FN1: variants seen among roughly 807,000 people sequenced by gnomAD.
FN1 encodes the protein fibronectin 1, also known as fibronectin.
A neutral mutation model predicts 297.3 loss-of-function variants in FN1; 106 were observed. That is an observed-to-expected ratio of 0.36 (90% CI 0.30 to 0.42). The LOEUF (loss-of-function observed/expected upper bound fraction) is 0.42. Among genes scored for constraint, FN1 ranks in the 10% least tolerant of loss-of-function variants. FN1 has a pLI of 1.00. For missense variants in FN1, 2,690 were observed against 3,124.9 expected (o/e 0.86, Z 3.32); for synonymous variants, 1,149 against 1,152.6 (o/e 1.00, Z 0.06).
At chr2:215,419,433 T>A in intron 11 of FN1, 48 bp from the exon 12 acceptor site, 1 of 1,529,474 alleles carries the variant, frequency 6.5e-7, no homozygotes, top group Non-Finnish European at 9.1e-7. Flanking sequence ...GACTTATAAC[T>A]ACGAATTTAA....
chr2:215,379,491 G>A lies in FN1; in HGVS notation c.5435-174C>T, dbSNP rs2057896331. ...CAGTAAGGGATGCAAAATGAAGAAA[G>A]TGTTTGCTGAGAAATGTGTTTTATA... On this transcript the variant is annotated intron_variant, in intron 33 of 45. Coordinates refer to ENST00000354785, the MANE Select transcript of FN1 (RefSeq NM_212482.4). The A allele has an allele frequency of 4.9e-6, 3 of 613,376 alleles. No homozygotes were observed. The South Asian group carries it at 5.8e-5, about 12-fold the overall frequency. 38.0% of individuals were successfully genotyped at this position (613,376 alleles called of 1,614,324 possible).
At chr2:215,392,816 T>C (rs570509784) in intron 25 of FN1, 115 bp downstream of exon 25, 3 of 1,193,488 alleles carry the variant, frequency 2.5e-6, no homozygotes, top group East Asian at 2.3e-5. Flanking sequence ...CCACCCTATC[T>C]GAATCTTTGG....
At position 215,382,211 on chromosome 2, in the gene FN1, C is replaced by T; in HGVS notation, c.5164+1G>A. 6.2e-7 allele frequency: 1 copy of T among 1,602,780 alleles called. No homozygotes were observed. The highest frequency in any genetic ancestry group is 8.5e-7 in the Non-Finnish European group (1 of 1,169,604). On this transcript the variant is annotated splice_donor_variant, in intron 32 of 45. Transcript: ENST00000354785. LOFTEE classifies it high-confidence loss of function. ...ATGGAAACCAAGCAGTGGTTACGTACTGGTTACTGCAGTCTGAACCAGAGG... is the reference window on the plus strand; with the variant it reads ...ATGGAAACCAAGCAGTGGTTACGTATTGGTTACTGCAGTCTGAACCAGAGG...
intron 23 of FN1, among the ~76,000 whole-genome samples, chr2:215,395,874 T>G (rs1006505937): frequency 4.6e-5 from 7 of 151,548 alleles, no homozygotes; most frequent in Non-Finnish European, 1.0e-4. Context: ...GACGAGATAT[T>G]AATGATCCTG....
At position 215,430,469 on chromosome 2, in the gene FN1, G is replaced by T. The variant is rs7560554; in HGVS notation, c.685+246C>A. ...ACATAGAAGGAAACCTAAACCTTTT[G>T]TTCAACTCTATGTCAGTGGCAGTGA... On this transcript the variant is annotated intron_variant, in intron 5 of 45. Transcript: ENST00000354785. Among the ~76,000 whole-genome samples the T allele has an allele frequency of 0.22, 33,456 of 151,980 alleles. 3,956 individuals are homozygous for T. The highest frequency in any genetic ancestry group is 0.25 in the Non-Finnish European group (16,751 of 67,940).
chr2:215,399,954 G>A lies in FN1; in HGVS notation c.3254-603C>T, dbSNP rs548342058. The stretch of plus-strand genomic sequence containing the variant: ...TGTAATCCCAGCACTTTGGGAAGCC[G>A]AGGTGGGTGGATCACTTGAGGTCAG... On this transcript the variant is annotated intron_variant, in intron 20 of 45. Transcript: ENST00000354785. Among the ~76,000 whole-genome samples, 191 of 152,268 alleles carry A rather than the reference G, an allele frequency of 1.3e-3. 1 individual carries two copies. The highest frequency in any genetic ancestry group is 2.2e-3 in the Non-Finnish European group (148 of 68,018).
At chr2:215,396,092 G>A (rs1325193345) in intron 23 of FN1, among the ~76,000 whole-genome samples, 1 of 152,190 alleles carries the variant, frequency 6.6e-6, no homozygotes, top group Non-Finnish European at 1.5e-5. Context: ...AGAGATGATA[G>A]CCTTAGCTCT....
At chr2:215,389,163 G>A (rs1472329712) in intron 26 of FN1, among the ~76,000 whole-genome samples, 1 of 152,054 alleles carries the variant, frequency 6.6e-6, no homozygotes, top group Non-Finnish European at 1.5e-5. Flanking sequence ...GAGTGCAGTG[G>A]TGTGATCTTG....
intron 12 of FN1, among the ~76,000 whole-genome samples, 188 bp downstream of exon 12, chr2:215,419,053 CT>C (rs2063826880): frequency 6.6e-6 from 1 of 152,098 alleles, no homozygotes; most frequent in Non-Finnish European, 1.5e-5. Context: ...CCTTCTCTAC[CT>C]TTTACTTGAT....
At chr2:215,377,870 A>T (rs1211063200) in intron 35 of FN1, among the ~76,000 whole-genome samples, 1 of 152,254 alleles carries the variant, frequency 6.6e-6, no homozygotes, top group Non-Finnish European at 1.5e-5. Flanking sequence ...TTTCTGAAGG[A>T]GTATAAAAGA....
intron 13 of FN1, among the ~76,000 whole-genome samples, chr2:215,412,760 C>CTT (rs10524797): frequency 0.051 from 4,996 of 97,224 alleles, 290 homozygotes; most frequent in African/African-American, 0.076. Context: ...TATTAAGTAT[C>CTT]TTTTTTTTTT....
At chr2:215,380,731 G>T in intron 33 of FN1, 80 bp downstream of exon 33, 1 of 1,479,980 alleles carries the variant, frequency 6.8e-7, no homozygotes, top group Non-Finnish European at 9.4e-7. Context: ...GGAATCAATA[G>T]CCCAGTGAAG....
At chr2:215,391,898 T>C in intron 25 of FN1, 84 bp from the exon 26 acceptor site, 1 of 1,100,376 alleles carries the variant, frequency 9.1e-7, no homozygotes, top group Non-Finnish European at 1.4e-6. Flanking sequence ...AAAATCAATA[T>C]TTCATGCATA....
intron 6 of FN1, among the ~76,000 whole-genome samples, chr2:215,426,894 G>T (rs1289365545): frequency 4.6e-5 from 7 of 150,654 alleles, no homozygotes; most frequent in Non-Finnish European, 8.9e-5. Context: ...TTATTTTTTT[G>T]AGATGGGGTC....
At position 215,367,925 on chromosome 2, in the gene FN1, C is replaced by A. The variant is rs757136015; in HGVS notation, c.6956G>T (p.Gly2319Val). 6.2e-7 allele frequency: 1 copy of A among 1,614,054 alleles called. No individual in the cohort carries two copies. Among genetic ancestry groups the A allele is most frequent in the South Asian group, 1.1e-5 (1 of 91,074 alleles). Reference protein sequence around the residue: ...GDEWERMSESGFKLLCQCLGF... With the variant: ...GDEWERMSESVFKLLCQCLGF... ...TAAGCACTGGCACAACAGTTTAAAG[C>A]CTGATTCAGACATTCGTTCCCACTC... The change falls in exon 42 of 46, where the codon GGC becomes GTC. Residue 2319 changes from glycine to valine, a missense_variant. By Grantham distance (109) the Gly-to-Val change is moderately radical (BLOSUM62 -3). Coordinates refer to ENST00000354785, the MANE Select transcript of FN1 (RefSeq NM_212482.4).
chr2:215,404,437 T>A lies in FN1; in HGVS notation c.3205A>T (p.Ile1069Leu), dbSNP rs144702918. 6.9e-5 allele frequency: 112 copies of A among 1,614,100 alleles called. No individual in the cohort carries two copies. Among genetic ancestry groups the A allele is most frequent in the Admixed American group, 3.3e-5 (2 of 60,002 alleles). The part of the protein sequence containing the change: ...ASEYTVSLVA[I>L]KGNQESPKAT... ...TTGGGGCTCTCTTGGTTGCCCTTTA[T>A]GGCCACGAGGGATACGGTGTACTCA... Residue 1069 changes from isoleucine to leucine, a missense_variant, in exon 20 of 46, where the codon ATA (isoleucine) becomes TTA (leucine). This residue lies in a region of FN1 where 1,743 missense variants were observed against 1,945.2 expected (regional missense o/e 0.90). Coordinates refer to ENST00000354785, the MANE Select transcript of FN1 (RefSeq NM_212482.4).
chr2:215,402,885 C>G (rs1260140118), intron 20 of FN1, among the ~76,000 whole-genome samples: 1 of 151,958 alleles, frequency 6.6e-6, no homozygotes, highest in African/African-American at 2.4e-5. Context: ...ATATCTTGGC[C>G]CACCACCTTC....
Position 215,397,185 on chromosome 2 carries a change from G to A in FN1, c.3556C>T (p.Pro1186Ser). 6.2e-7 allele frequency: 1 copy of A among 1,613,958 alleles called. No individual in the cohort carries two copies. Among genetic ancestry groups the A allele is most frequent in the Non-Finnish European group, 8.5e-7 (1 of 1,179,900 alleles). ...GAGACTGTGAGCACTCCAGTGTCAGGGTTTGCCTCCAGATGCAAGTTTGTT... is the reference window on the plus strand; with the variant it reads ...GAGACTGTGAGCACTCCAGTGTCAGAGTTTGCCTCCAGATGCAAGTTTGTT... ...PPTNLHLEAN[P>S]DTGVLTVSWE... is the part of the protein sequence containing the mutation. The change falls in exon 23 of 46, where the codon CCT (proline) becomes TCT (serine). Residue 1186 changes from proline (P) to serine (S), a missense_variant. This residue lies in a region of FN1 where 1,743 missense variants were observed against 1,945.2 expected (regional missense o/e 0.90). Coordinates refer to ENST00000354785, the MANE Select transcript of FN1 (RefSeq NM_212482.4).
chr2:215,408,243 C>T (rs373734298), intron 16 of FN1, 46 bp from the exon 17 acceptor site: 9 of 1,613,458 alleles, frequency 5.6e-6, no homozygotes, highest in African/African-American at 2.7e-5. Context: ...AGTGCTACTA[C>T]AGGCCTGTGT....
Sources: allele counts gnomAD v4.1 joint callset (sites outside exome capture counted in the v4.1 genomes callset), GRCh38; gene constraint gnomAD v4.1.1; regional missense constraint gnomAD v4.1.1; transcripts MANE v1.5; gene names NCBI Gene and HGNC (gene_info 2026-07-23, HGNC 2026-07-21).